Variants in SNTG1 observed in about 807,000 individuals in gnomAD.
SNTG1 encodes the protein gamma-1-syntrophin.
Under a neutral mutation model 74.7 loss-of-function variants are expected in SNTG1, and 39 were observed. That is an observed-to-expected ratio of 0.52 (90% CI 0.40 to 0.68). SNTG1 has a LOEUF of 0.68. Among genes scored for constraint, SNTG1 ranks in the 30% least tolerant of loss-of-function variants. The probability of loss-of-function intolerance (pLI) is 0.00; values close to 1 mark genes in which losing one functional copy is unlikely to be tolerated. For missense variants in SNTG1, 685 were observed against 609.5 expected (o/e 1.12, Z -1.30); for synonymous variants, 254 against 217.1 (o/e 1.17, Z -1.49).
At chr8:50,278,278 G>T (rs959536033) in intron 2 of SNTG1, among the ~76,000 whole-genome samples, 11 of 152,062 alleles carry the variant, frequency 7.2e-5, no homozygotes, top group Admixed American at 6.6e-4. Flanking sequence ...TCTCATTGTT[G>T]AATATAATAT....
chr8:50,275,000 A>G (rs1170483734), intron 2 of SNTG1, among the ~76,000 whole-genome samples: 1 of 152,126 alleles, frequency 6.6e-6, no homozygotes, highest in Non-Finnish European at 1.5e-5. Context: ...CTTCTCACCT[A>G]TATTTATAAA....
chr8:50,246,578 C>T (rs1312792753), intron 2 of SNTG1, among the ~76,000 whole-genome samples: 8 of 151,320 alleles, frequency 5.3e-5, no homozygotes, highest in African/African-American at 9.7e-5. Flanking sequence ...AAGGTGGATG[C>T]CTAATGATTT....
chr8:50,111,973 G>T (rs927795126), intron 1 of SNTG1, among the ~76,000 whole-genome samples: 2 of 152,006 alleles, frequency 1.3e-5, no homozygotes, highest in African/African-American at 4.8e-5. Flanking sequence ...TAACTTTATG[G>T]CATAAATCTG....
At chr8:50,266,988 TAA>T (rs1325857020) in intron 2 of SNTG1, among the ~76,000 whole-genome samples, 1 of 152,016 alleles carries the variant, frequency 6.6e-6, no homozygotes, top group Non-Finnish European at 1.5e-5. Context: ...CATTTATATT[TAA>T]GACACCCTTT....
At chr8:50,087,065 C>A (rs1388388203) in intron 1 of SNTG1, among the ~76,000 whole-genome samples, 2 of 152,172 alleles carry the variant, frequency 1.3e-5, no homozygotes. Flanking sequence ...AGAGTACCTT[C>A]AGCTTGAGGT....
chr8:50,259,689 C>T (rs2087084414), intron 2 of SNTG1, among the ~76,000 whole-genome samples: 1 of 152,002 alleles, frequency 6.6e-6, no homozygotes, highest in African/African-American at 2.4e-5. Flanking sequence ...ATATATGGAT[C>T]TTGGAAGTTG....
At chr8:50,724,075 GA>G (rs2095494179) in intron 17 of SNTG1, among the ~76,000 whole-genome samples, 1 of 152,134 alleles carries the variant, frequency 6.6e-6, no homozygotes, top group Non-Finnish European at 1.5e-5. Flanking sequence ...TTGTAGTGTA[GA>G]AAATAAATTC....
intron 1 of SNTG1, among the ~76,000 whole-genome samples, chr8:50,097,398 T>C (rs989357498): frequency 2.0e-5 from 3 of 152,186 alleles, no homozygotes; most frequent in African/African-American, 7.2e-5. Flanking sequence ...ATTATTTCTT[T>C]CTTGTAGTTT....
intron 1 of SNTG1, among the ~76,000 whole-genome samples, chr8:50,162,080 G>A (rs986585169): frequency 6.6e-6 from 1 of 152,124 alleles, no homozygotes; most frequent in African/African-American, 2.4e-5. Flanking sequence ...ATTGTACAGC[G>A]TCAGGGAAGG....
intron 2 of SNTG1, among the ~76,000 whole-genome samples, chr8:50,351,442 T>G (rs982127991): frequency 6.6e-6 from 1 of 152,236 alleles, no homozygotes; most frequent in Non-Finnish European, 1.5e-5. Context: ...ATAATTTGCC[T>G]TTAGAAACAT....
rs529343963 is a variant in SNTG1, at chr8:50,421,496, T to G, written c.163-17047T>G. On this transcript the variant is annotated intron_variant, in intron 4 of 18. Coordinates refer to ENST00000642720, the MANE Select transcript of SNTG1 (RefSeq NM_018967.5). ...CATTTTGTTTTTGGTGAGATTTAGCTGGCTTTTTTTATTGCAACCTATTCC... is the reference window on the plus strand; with the variant it reads ...CATTTTGTTTTTGGTGAGATTTAGCGGGCTTTTTTTATTGCAACCTATTCC... 1.0e-3 allele frequency among the ~76,000 whole-genome samples: 152 copies of G among 152,316 alleles called. 1 individual carries two copies. Among genetic ancestry groups the G allele is most frequent in the African/African-American group, 3.2e-3 (135 of 41,566 alleles).
chr8:50,433,953 A>G (rs1196099037), intron 4 of SNTG1, among the ~76,000 whole-genome samples: 3 of 152,310 alleles, frequency 2.0e-5, no homozygotes, highest in South Asian at 2.1e-4. Context: ...GGTTTGTTAC[A>G]TATGTATACA....
At chr8:50,533,247 A>G (rs2094283285) in intron 10 of SNTG1, among the ~76,000 whole-genome samples, 1 of 152,234 alleles carries the variant, frequency 6.6e-6, no homozygotes, top group Non-Finnish European at 1.5e-5. Context: ...CCAGACTGAG[A>G]AACATTCTTC....
At chr8:50,017,954 A>T (rs1027417005) in intron 1 of SNTG1, among the ~76,000 whole-genome samples, 1 of 151,998 alleles carries the variant, frequency 6.6e-6, no homozygotes. Context: ...TCACAGCAGA[A>T]TGTAGCATTT....
At chr8:50,010,650 T>C (rs1188622565) in intron 1 of SNTG1, among the ~76,000 whole-genome samples, 2 of 151,900 alleles carry the variant, frequency 1.3e-5, no homozygotes. Context: ...TTTGATAAAC[T>C]CTCTTAAATG....
intron 1 of SNTG1, among the ~76,000 whole-genome samples, chr8:50,117,738 A>G (rs754044357): frequency 6.6e-6 from 1 of 152,208 alleles, no homozygotes; most frequent in Non-Finnish European, 1.5e-5. Context: ...CTCTGTTACC[A>G]CTAGACTGTA....
At chr8:50,773,113 T>G (rs1031597835) in intron 18 of SNTG1, among the ~76,000 whole-genome samples, 1 of 152,162 alleles carries the variant, frequency 6.6e-6, no homozygotes, top group Non-Finnish European at 1.5e-5. Flanking sequence ...ACACAGGCCT[T>G]GTCATTACTT....
chr8:50,515,851 G>T (rs1585539784), intron 9 of SNTG1, among the ~76,000 whole-genome samples: 1 of 152,072 alleles, frequency 6.6e-6, no homozygotes, highest in South Asian at 2.1e-4. Flanking sequence ...AGAGCACCTG[G>T]GGGAAGGGGC....
intron 1 of SNTG1, among the ~76,000 whole-genome samples, chr8:49,972,496 A>G (rs764685558): frequency 2.6e-5 from 4 of 152,214 alleles, no homozygotes; most frequent in Non-Finnish European, 4.4e-5. Flanking sequence ...CAATGGCAAC[A>G]AAAGCCAAAA....
Sources: gnomAD v4.1 joint callset for allele counts (sites outside exome capture counted in the v4.1 genomes callset) on GRCh38, gnomAD v4.1.1 for gene constraint, MANE v1.5 for transcripts, NCBI Gene and HGNC (gene_info 2026-07-23, HGNC 2026-07-21) for gene names.